GALNT9: variants seen among roughly 807,000 people sequenced by gnomAD.
GALNT9 encodes GalNAc transferase 9.
A neutral mutation model predicts 63.1 loss-of-function variants in GALNT9; 47 were observed. The ratio of observed to expected loss-of-function variants is 0.75; its 90% CI spans 0.59 to 0.95. The LOEUF (loss-of-function observed/expected upper bound fraction) is 0.95, where lower values mean the gene tolerates loss of function less well. GALNT9 is among the 40% of genes least tolerant of loss of function. The pLI, the probability that GALNT9 is intolerant of heterozygous loss-of-function variation, is 0.00. For missense variants in GALNT9, 829 were observed against 874.8 expected, an observed-to-expected ratio of 0.95 and a Z score of 0.66; for synonymous variants, 396 against 365.7, an observed-to-expected ratio of 1.08 and a Z score of -0.94.
At position 132,252,433 on chromosome 12, in the gene GALNT9, A is replaced by G. The variant is rs928756420; in HGVS notation, c.960-4406T>C. ...CACGTTTTAGAAAGAGTTTGCATCC[A>G]CAATGGAAAGAGTGAAATGTAGGGT... is the stretch of plus-strand genomic sequence containing the variant. On this transcript the variant is annotated intron_variant, in intron 5 of 10. Transcript: ENST00000328957. This position sits in a 1 kb window ranked among gnomAD's most constrained non-coding sequence, Gnocchi z 5.2. Among the ~76,000 whole-genome samples the G allele has an allele frequency of 6.6e-6, 1 of 152,246 alleles. No homozygotes were observed. Among genetic ancestry groups the G allele is most frequent in the African/African-American group, 2.4e-5 (1 of 41,462 alleles).
chr12:132,197,398 C>T (rs920383684), intron 10 of GALNT9, 145 bp from the exon 11 acceptor site: 11 of 1,241,008 alleles, frequency 8.9e-6, no homozygotes, highest in Non-Finnish European at 1.2e-5. Flanking sequence ...CAGCAGCACC[C>T]AGGGGGGCCG....
intron 1 of GALNT9, among the ~76,000 whole-genome samples, chr12:132,288,709 C>T (rs1317120826): frequency 2.0e-5 from 3 of 150,584 alleles, no homozygotes; most frequent in Non-Finnish European, 2.9e-5. Context: ...GGTGGCTGAG[C>T]GTCGTTCTGG....
intron 1 of GALNT9, among the ~76,000 whole-genome samples, chr12:132,304,915 A>G (rs1555244451): frequency 7.2e-5 from 2 of 27,800 alleles, no homozygotes; most frequent in Non-Finnish European, 6.0e-5. Flanking sequence ...ACACGCCCTC[A>G]CCGGGGCACA....
intron 6 of GALNT9, among the ~76,000 whole-genome samples, chr12:132,213,046 G>A (rs561019196): frequency 1.5e-3 from 195 of 132,368 alleles, no homozygotes; most frequent in African/African-American, 5.3e-3. Flanking sequence ...ACCTCGACAC[G>A]GAAACCCCAC....
intron 1 of GALNT9, among the ~76,000 whole-genome samples, chr12:132,320,330 C>T (rs1290583219): frequency 1.3e-5 from 2 of 152,224 alleles, no homozygotes; most frequent in East Asian, 1.9e-4. Context: ...GACGCGGGTG[C>T]GGCAGACACG....
Position 132,319,936 on chromosome 12 carries a change from G to A in GALNT9, c.238+9030C>T, listed in dbSNP as rs571050087. 2.6e-5 allele frequency among the ~76,000 whole-genome samples: 4 copies of A among 152,324 alleles called. No individual in the cohort carries two copies. Among genetic ancestry groups the A allele is most frequent in the South Asian group, 2.1e-4 (1 of 4,826 alleles). On this transcript the variant is annotated intron_variant, in intron 1 of 10. Transcript: ENST00000328957. The surrounding 1 kb of genome is among the most constrained non-coding windows in gnomAD (Gnocchi z 5.2). ...ATGCAGGCGGGCACACGAGGCAGGC[G>A]CTCCTAAGGAAAAGGGGGCGGCCAG...
At chr12:132,325,635 AC>A (rs1273779231) in intron 1 of GALNT9, among the ~76,000 whole-genome samples, 3 of 152,200 alleles carry the variant, frequency 2.0e-5, no homozygotes, top group African/African-American at 7.2e-5. Context: ...AACCAGCGCC[AC>A]CTCGCTGGAC....
chr12:132,243,796 G>T (rs1442829228), intron 6 of GALNT9, among the ~76,000 whole-genome samples: 1 of 152,256 alleles, frequency 6.6e-6, no homozygotes, highest in South Asian at 2.1e-4. Flanking sequence ...CCTGCCTGGG[G>T]ACTGGGAATC....
intron 1 of GALNT9, among the ~76,000 whole-genome samples, chr12:132,326,751 C>A (rs1156806872): frequency 6.6e-6 from 1 of 152,192 alleles, no homozygotes; most frequent in East Asian, 1.9e-4. Context: ...AATTTTGCAT[C>A]CTGGGATGTC....
intron 1 of GALNT9, among the ~76,000 whole-genome samples, chr12:132,300,334 A>G (rs1363738335): frequency 7.3e-6 from 1 of 136,446 alleles, no homozygotes; most frequent in Non-Finnish European, 1.6e-5. Context: ...CCCATAACTA[A>G]CCCACTCCCA....
chr12:132,257,698 G>C lies in GALNT9; in HGVS notation c.950C>G (p.Ala317Gly). The change falls in exon 5 of 11, where the codon GCA (alanine) becomes GGA (glycine). Residue 317 changes from alanine (A) to glycine (G), a missense_variant. Ala to Gly is a moderately conservative substitution (Grantham distance 60). Transcript: ENST00000328957. ...TGAGGGCGCAGCTCACCTGATGGGT[G>C]CTGACTCGTCGCCGCGGTCCAGCCA... ...QDWLDRGDES[A>G]PIRTPAMIGC... The C allele has an allele frequency of 6.5e-7, 1 of 1,549,330 alleles. No homozygotes were observed. The highest frequency in any genetic ancestry group is 8.7e-7 in the Non-Finnish European group (1 of 1,146,526).
At chr12:132,198,996 C>G (rs1227759856) in intron 9 of GALNT9, among the ~76,000 whole-genome samples, 178 bp downstream of exon 9, 1 of 151,952 alleles carries the variant, frequency 6.6e-6, no homozygotes, top group African/African-American at 2.4e-5. Flanking sequence ...CCAGGTGGGG[C>G]GGGCTGGGAG....
intron 6 of GALNT9, among the ~76,000 whole-genome samples, chr12:132,247,086 C>G (rs567999616): frequency 6.6e-6 from 1 of 152,328 alleles, no homozygotes; most frequent in East Asian, 1.9e-4. Flanking sequence ...AAATAAAAAA[C>G]CCGCAACCTC....
chr12:132,243,233 C>A (rs1555237560), intron 6 of GALNT9, among the ~76,000 whole-genome samples: 105 of 82,476 alleles, frequency 1.3e-3, no homozygotes, highest in African/African-American at 5.3e-3. Context: ...TACACACACG[C>A]CACACCCCCT....
At chr12:132,314,599 T>C (rs181887053) in intron 1 of GALNT9, among the ~76,000 whole-genome samples, 5 of 152,364 alleles carry the variant, frequency 3.3e-5, no homozygotes, top group African/African-American at 1.2e-4. Flanking sequence ...GAAGCTGTCC[T>C]GACCTTCCCC....
intron 4 of GALNT9, among the ~76,000 whole-genome samples, chr12:132,259,915 G>C (rs1307170829): frequency 2.6e-5 from 4 of 151,890 alleles, no homozygotes; most frequent in African/African-American, 9.7e-5. Context: ...GGTCTTCCTT[G>C]TGGTTGGGTG....
chr12:132,227,311 C>G (rs981252389), intron 6 of GALNT9, among the ~76,000 whole-genome samples: 1 of 152,118 alleles, frequency 6.6e-6, no homozygotes, highest in Non-Finnish European at 1.5e-5. Flanking sequence ...CGTCCCCGAA[C>G]GCGTGTGGGG....
chr12:132,249,002 C>T (rs533433893), intron 5 of GALNT9, among the ~76,000 whole-genome samples: 4 of 152,282 alleles, frequency 2.6e-5, no homozygotes, highest in South Asian at 4.1e-4. Flanking sequence ...GTGGGCCACG[C>T]GACGTGCGAG....
intron 5 of GALNT9, among the ~76,000 whole-genome samples, chr12:132,248,442 C>T (rs1352154632): frequency 3.9e-5 from 6 of 152,130 alleles, no homozygotes; most frequent in Non-Finnish European, 8.8e-5. Context: ...CACTACACTC[C>T]AGCCTGGGCA....
Sources: allele counts gnomAD v4.1 joint callset (sites outside exome capture counted in the v4.1 genomes callset), GRCh38; gene constraint gnomAD v4.1.1; non-coding constraint Gnocchi (gnomAD v3.1); transcripts MANE v1.5; gene names NCBI Gene and HGNC (gene_info 2026-07-23, HGNC 2026-07-21).